Variants in THSD7A observed in about 807,000 individuals in gnomAD.
THSD7A encodes the protein thrombospondin type-1 domain-containing protein 7A.
THSD7A carries 96 observed loss-of-function variants against 231.3 expected under a neutral mutation model. The ratio of observed to expected loss-of-function variants is 0.41; its 90% CI spans 0.35 to 0.49. The LOEUF (loss-of-function observed/expected upper bound fraction) is 0.49. Ranked by LOEUF, THSD7A falls within the 20% of genes least tolerant of loss-of-function variation. The pLI, the probability that THSD7A is intolerant of heterozygous loss-of-function variation, is 0.05. For synonymous variants in THSD7A, 940 were observed against 743.3 expected (o/e 1.26, Z -4.30); for missense variants, 2,290 against 2,070.2 (o/e 1.11, Z -2.06).
intron 4 of THSD7A, among the ~76,000 whole-genome samples, chr7:11,563,975 A>T (rs1030269832): frequency 1.4e-4 from 22 of 152,154 alleles, no homozygotes; most frequent in Non-Finnish European, 8.8e-5. Flanking sequence ...TTTCAGAGCT[A>T]AGCTGTTCAT....
chr7:11,669,686 TA>T (rs150497639), intron 1 of THSD7A, among the ~76,000 whole-genome samples: 1,706 of 151,980 alleles, frequency 0.011, 22 homozygotes, highest in African/African-American at 0.039. Flanking sequence ...AAATTATTAA[TA>T]AATTAATAAT....
At position 11,541,307 on chromosome 7, in the gene THSD7A, T is replaced by A. The variant is rs1789135891; in HGVS notation, c.1822+112A>T. 14 of 1,033,002 alleles carry A rather than the reference T, an allele frequency of 1.4e-5. No individual in the cohort carries two copies. In the East Asian group the frequency reaches 3.6e-4, roughly 27 times the overall value. 64.0% of individuals were successfully genotyped at this position (1,033,002 alleles called of 1,614,324 possible). On this transcript the variant is annotated intron_variant, in intron 6 of 27. Transcript: ENST00000423059. The stretch of plus-strand genomic sequence containing the variant: ...GGAGAGAGAAGCAGCTATTTCTACG[T>A]TTGTAAACAGAATCAGTTATAATGC...
At position 11,637,330 on chromosome 7, in the gene THSD7A, A is replaced by G. The variant is rs1781906177; in HGVS notation, c.191-369T>C. Among the ~76,000 whole-genome samples the G allele has an allele frequency of 6.6e-6, 1 of 152,186 alleles. No homozygotes were observed. Among genetic ancestry groups the G allele is most frequent in the Non-Finnish European group, 1.5e-5 (1 of 68,030 alleles). On this transcript the variant is annotated intron_variant, in intron 1 of 27. Transcript: ENST00000423059. The surrounding 1 kb of genome is among the most constrained non-coding windows in gnomAD (Gnocchi z 4.2). ...CTCCGGCCTCACAATCATCAAATCC[A>G]TTTCAGTAACTGGCAAAGAAAATGG...
chr7:11,812,952 T>C (rs1401141923), intron 1 of THSD7A, among the ~76,000 whole-genome samples: 1 of 152,170 alleles, frequency 6.6e-6, no homozygotes, highest in Non-Finnish European at 1.5e-5. Context: ...CGTGAGAATT[T>C]AGTAAAAGAA....
At position 11,543,044 on chromosome 7, in the gene THSD7A, A is replaced by G. The variant is rs1226820150; in HGVS notation, c.1527T>C (p.Cys509=). 4 of 1,613,846 alleles carry G rather than the reference A, an allele frequency of 2.5e-6. No homozygotes were observed. In the South Asian group the frequency reaches 3.3e-5, roughly 13 times the overall value. ...PNTTQLCHIP[C]PTECEVSPWS... The stretch of plus-strand genomic sequence containing the variant: ...AAGGTGAAACTTCACATTCAGTTGG[A>G]CAAGGAATGTGGCACAGCTGTGTAG... The change falls in exon 5 of 28, where the codon TGT becomes TGC. Residue 509 remains cysteine, a synonymous_variant. Coordinates refer to ENST00000423059, the MANE Select transcript of THSD7A (RefSeq NM_015204.3).
At chr7:11,763,885 C>G (rs187224420) in intron 1 of THSD7A, among the ~76,000 whole-genome samples, 1 of 151,976 alleles carries the variant, frequency 6.6e-6, no homozygotes, top group South Asian at 2.1e-4. Context: ...ATCTAAAATT[C>G]CTCTGTGGAG....
At chr7:11,771,705 T>G (rs1314353042) in intron 1 of THSD7A, among the ~76,000 whole-genome samples, 1 of 152,074 alleles carries the variant, frequency 6.6e-6, no homozygotes, top group Non-Finnish European at 1.5e-5. Context: ...CGCTAATTGA[T>G]AAGGTTTGGA....
intron 25 of THSD7A, 43 bp downstream of exon 25, chr7:11,379,587 C>T (rs1250405305): frequency 6.6e-7 from 1 of 1,505,976 alleles, no homozygotes; most frequent in Non-Finnish European, 9.1e-7. Flanking sequence ...TGGGGTGACA[C>T]ATGATGGAGC....
At chr7:11,417,917 G>C (rs1784015690) in intron 16 of THSD7A, among the ~76,000 whole-genome samples, 1 of 152,204 alleles carries the variant, frequency 6.6e-6, no homozygotes, top group Non-Finnish European at 1.5e-5. Context: ...TCTGAAAGAA[G>C]AGGGTCATTT....
intron 2 of THSD7A, among the ~76,000 whole-genome samples, chr7:11,609,875 G>A (rs1209503958): frequency 6.6e-6 from 1 of 152,062 alleles, no homozygotes; most frequent in Non-Finnish European, 1.5e-5. Flanking sequence ...TTGGCCTGGA[G>A]AGAGTAAAAA....
At chr7:11,681,417 G>A (rs556790394) in intron 1 of THSD7A, among the ~76,000 whole-genome samples, 11 of 151,838 alleles carry the variant, frequency 7.2e-5, no homozygotes, top group African/African-American at 2.7e-4. Flanking sequence ...GAACCAAACA[G>A]AACTTACGGA....
At chr7:11,604,591 G>A (rs566530557) in intron 2 of THSD7A, among the ~76,000 whole-genome samples, 9 of 152,058 alleles carry the variant, frequency 5.9e-5, no homozygotes, top group Middle Eastern at 3.4e-3. Flanking sequence ...TTACAGACAA[G>A]GAAATGAAAT....
intron 4 of THSD7A, among the ~76,000 whole-genome samples, chr7:11,546,618 G>C (rs538974850): frequency 1.6e-4 from 24 of 152,296 alleles, no homozygotes; most frequent in African/African-American, 5.8e-4. Flanking sequence ...ATACAGATGA[G>C]AGAAAAACCA....
intron 1 of THSD7A, among the ~76,000 whole-genome samples, chr7:11,790,137 T>C (rs1783906495): frequency 6.6e-6 from 1 of 151,742 alleles, no homozygotes; most frequent in Non-Finnish European, 1.5e-5. Flanking sequence ...AAAATCAGAG[T>C]TAAAAGCACA....
chr7:11,407,254 T>G (rs1783616805), intron 20 of THSD7A, 52 bp downstream of exon 20: 2 of 1,499,022 alleles, frequency 1.3e-6, no homozygotes, highest in Non-Finnish European at 1.8e-6. Flanking sequence ...AGGGATATTT[T>G]ATTTCATATT....
chr7:11,678,206 A>T (rs1783719275), intron 1 of THSD7A, among the ~76,000 whole-genome samples: 2 of 152,132 alleles, frequency 1.3e-5, no homozygotes, highest in Non-Finnish European at 2.9e-5. Context: ...TGTCTAGAGG[A>T]AAATTTATAG....
chr7:11,409,064 C>G (rs1429258383), intron 19 of THSD7A, among the ~76,000 whole-genome samples: 2 of 152,128 alleles, frequency 1.3e-5, no homozygotes, highest in Admixed American at 6.6e-5. Flanking sequence ...GATCATATCT[C>G]TCTTTTAATT....
intron 19 of THSD7A, among the ~76,000 whole-genome samples, chr7:11,410,070 A>G (rs922266117): frequency 5.3e-5 from 8 of 152,160 alleles, no homozygotes; most frequent in South Asian, 4.1e-4. Context: ...CATAATGGTT[A>G]TATTGCTTCA....
intron 1 of THSD7A, among the ~76,000 whole-genome samples, chr7:11,774,669 A>C (rs1175194837): frequency 6.6e-6 from 1 of 152,206 alleles, no homozygotes; most frequent in Non-Finnish European, 1.5e-5. Context: ...TATGTCAATT[A>C]TAACTCAATA....
Sources: gnomAD v4.1 joint callset for allele counts (sites outside exome capture counted in the v4.1 genomes callset) on GRCh38, gnomAD v4.1.1 for gene constraint, Gnocchi (gnomAD v3.1) non-coding constraint, MANE v1.5 for transcripts, NCBI Gene and HGNC (gene_info 2026-07-23, HGNC 2026-07-21) for gene names.